Variants in GALC observed in about 807,000 individuals in gnomAD.
GALC encodes galactocerebrosidase.
GALC carries 77 observed loss-of-function variants against 91.8 expected under a neutral mutation model. The ratio of observed to expected loss-of-function variants is 0.84; its 90% CI spans 0.70 to 1.01. The LOEUF is 1.01. GALC is among the 50% of genes least tolerant of loss of function. The pLI is 0.00. For missense variants in GALC, 882 were observed against 855.9 expected (o/e 1.03, Z -0.38); for synonymous variants, 357 against 306.7 (o/e 1.16, Z -1.71).
Position 87,976,361 on chromosome 14 carries a change from A to C in GALC, c.749T>G (p.Ile250Arg). 1 of 1,613,996 alleles carries C rather than the reference A, an allele frequency of 6.2e-7. No individual in the cohort carries two copies. The highest frequency in any genetic ancestry group is 1.1e-5 in the South Asian group (1 of 91,090). ...TTCCAAGTAAAACATGCCTTACCCT[A>C]TAACATCAACCACCTTGAAGAGTTC... ...DAELFKVVDV[I>R]GAHYPGTHSA... The change falls in exon 7 of 17, where the codon ATA (isoleucine) becomes AGA (arginine). Residue 250 changes from isoleucine to arginine, a missense_variant. Physicochemically the swap from Ile to Arg is moderately conservative, Grantham distance 97. Coordinates refer to ENST00000261304, the MANE Select transcript of GALC (RefSeq NM_000153.4).
chr14:87,976,187 T>C (rs1244056923), intron 7 of GALC, among the ~76,000 whole-genome samples, 171 bp downstream of exon 7: 2 of 152,170 alleles, frequency 1.3e-5, no homozygotes, highest in Non-Finnish European at 2.9e-5. Flanking sequence ...TCCTAAAATA[T>C]ATTTAAAAGA....
At chr14:87,970,255 T>C (rs1886229831) in intron 7 of GALC, among the ~76,000 whole-genome samples, 1 of 152,180 alleles carries the variant, frequency 6.6e-6, no homozygotes, top group South Asian at 2.1e-4. Flanking sequence ...TTGGTTAAAA[T>C]ATATTTCTAT....
chr14:87,943,583 C>A (rs2285010), intron 14 of GALC, among the ~76,000 whole-genome samples: 5 of 151,972 alleles, frequency 3.3e-5, no homozygotes, highest in Non-Finnish European at 5.9e-5. Context: ...CGGCTTCTAG[C>A]CCTTGTTCTG....
At chr14:87,953,660 A>C in intron 10 of GALC, 2 of 1,609,536 alleles carry the variant, frequency 1.2e-6, no homozygotes, top group Middle Eastern at 2.3e-4. Flanking sequence ...GGCCAGTCTG[A>C]AGCTCTATCT....
intron 7 of GALC, among the ~76,000 whole-genome samples, chr14:87,972,489 T>A (rs979033990): frequency 6.6e-6 from 1 of 152,320 alleles, no homozygotes; most frequent in South Asian, 2.1e-4. Context: ...CATAGGTACG[T>A]TCACTTTGTG....
intron 7 of GALC, among the ~76,000 whole-genome samples, chr14:87,974,417 A>G (rs1219220343): frequency 6.6e-6 from 1 of 152,150 alleles, no homozygotes; most frequent in Non-Finnish European, 1.5e-5. Context: ...GTATTTACAT[A>G]CCAAATAACA....
chr14:87,947,851 G>A lies in GALC; in HGVS notation c.1366C>T (p.Leu456=), dbSNP rs2139956743. The A allele has an allele frequency of 1.2e-6, 2 of 1,612,498 alleles. No homozygotes were observed. The change falls in exon 13 of 17, where the codon CTG becomes TTG. Residue 456 remains leucine (L), a synonymous_variant. Coordinates refer to ENST00000261304, the MANE Select transcript of GALC (RefSeq NM_000153.4). ...AACAGCTCATCTTCATGCAGGCTCA[G>A]TGTGAAACTGCCATCGCTGTCAAGG... is the stretch of plus-strand genomic sequence containing the variant. ...WLLDSDGSFT[L]SLHEDELFTL...
At chr14:87,982,818 T>G (rs908157632) in intron 5 of GALC, among the ~76,000 whole-genome samples, 1 of 152,176 alleles carries the variant, frequency 6.6e-6, no homozygotes, top group African/African-American at 2.4e-5. Flanking sequence ...ACTCCACAGT[T>G]GAGAAAACTG....
chr14:87,933,793 C>A lies in GALC; in HGVS notation c.*939G>T. The A allele has an allele frequency of 1.9e-6, 1 of 533,982 alleles. No individual in the cohort carries two copies. Among genetic ancestry groups the A allele is most frequent in the South Asian group, 3.1e-5 (1 of 32,510 alleles). The allele number at this position is 533,982 out of a possible 1,614,324, so 33.1% of individuals were successfully genotyped here. On this transcript the variant is annotated 3_prime_UTR_variant, in exon 17 of 17. Transcript: ENST00000261304. ...ATATTTGGACTTTAAAAAGTAAGTA[C>A]ATCTTAGGAGATGATCCAATTCTGG...
chr14:87,943,815 T>A (rs748665692), intron 14 of GALC, among the ~76,000 whole-genome samples: 1 of 147,266 alleles, frequency 6.8e-6, no homozygotes, highest in Non-Finnish European at 1.5e-5. Context: ...TCTGAGCAGA[T>A]CTGGCTGCCT....
Position 87,953,118 on chromosome 14 carries a change from G to A in GALC, c.1162-2370C>T. On this transcript the variant is annotated intron_variant, in intron 10 of 16. Coordinates refer to ENST00000261304, the MANE Select transcript of GALC (RefSeq NM_000153.4). The stretch of plus-strand genomic sequence containing the variant: ...TCATGAAATACAAAACCAGTGTTTG[G>A]GATTATTTTCCTTGAACACAGTAGA... The A allele has an allele frequency of 2.0e-6, 3 of 1,499,454 alleles. No homozygotes were observed. In the South Asian group the frequency reaches 3.4e-5, roughly 17 times the overall value. 92.9% of individuals were successfully genotyped at this position (1,499,454 alleles called of 1,614,324 possible).
rs189385102 is a variant in GALC, at chr14:87,941,428, C to T, written c.1801G>A (p.Ala601Thr). ...SARGIFFWIF[A>T]NGSYRVTGDL... ...CCTGTAACCCTGTAAGATCCATTTGCAAAAATCCAGAAGAAAATTCCTCTG... is the reference window on the plus strand; with the variant it reads ...CCTGTAACCCTGTAAGATCCATTTGTAAAAATCCAGAAGAAAATTCCTCTG... Residue 601 changes from alanine to threonine, a missense_variant, in exon 15 of 17, where the codon GCA becomes ACA. By Grantham distance (58) the Ala-to-Thr change is moderately conservative (BLOSUM62 0). Coordinates refer to ENST00000261304, the MANE Select transcript of GALC (RefSeq NM_000153.4). 1 of 1,608,942 alleles carries T rather than the reference C, an allele frequency of 6.2e-7. No homozygotes were observed. Among genetic ancestry groups the T allele is most frequent in the African/African-American group, 1.3e-5 (1 of 74,718 alleles).
chr14:87,978,477 G>A (rs187591762), intron 6 of GALC, among the ~76,000 whole-genome samples: 165 of 152,172 alleles, frequency 1.1e-3, no homozygotes, highest in Admixed American at 3.5e-3. Flanking sequence ...TTTATACATT[G>A]TATTTGAATA....
At chr14:87,965,165 T>C (rs1290317104) in intron 9 of GALC, among the ~76,000 whole-genome samples, 1 of 152,164 alleles carries the variant, frequency 6.6e-6, no homozygotes, top group Non-Finnish European at 1.5e-5. Context: ...TTAAGACTTC[T>C]ACTCTGTTTA....
chr14:87,959,271 A>T (rs963978654), intron 10 of GALC, among the ~76,000 whole-genome samples: 1 of 152,200 alleles, frequency 6.6e-6, no homozygotes, highest in African/African-American at 2.4e-5. Flanking sequence ...CCACAATGGG[A>T]TATCACTTCC....
chr14:87,986,968 C>T, intron 3 of GALC: 1 of 444,250 alleles, frequency 2.3e-6, no homozygotes, highest in African/African-American at 2.0e-5. Flanking sequence ...GTTCTGATTA[C>T]CTCAACTTTC....
chr14:87,992,819 G>A (rs952305060), intron 1 of GALC, 151 bp downstream of exon 1: 1 of 1,401,540 alleles, frequency 7.1e-7, no homozygotes, highest in Non-Finnish European at 9.2e-7. Flanking sequence ...CAGCGGGCCC[G>A]CCCCAACCGC....
chr14:87,953,580 A>G (rs148047454), intron 10 of GALC: 56,214 of 1,609,462 alleles, frequency 0.035, 1,267 homozygotes, highest in South Asian at 0.052. Flanking sequence ...GCTCAGGAAT[A>G]CTGTGTTCCC....
At chr14:87,976,771 C>T (rs1054054548) in intron 6 of GALC, 23 of 368,226 alleles carry the variant, frequency 6.2e-5, no homozygotes, top group Admixed American at 2.3e-4. Context: ...CGCGCCACCA[C>T]GCCTGGCTAA....
Sources: allele counts gnomAD v4.1 joint callset (sites outside exome capture counted in the v4.1 genomes callset), GRCh38; gene constraint gnomAD v4.1.1; transcripts MANE v1.5; gene names NCBI Gene and HGNC (gene_info 2026-07-23, HGNC 2026-07-21).